The following OPCML variants were observed in gnomAD, a reference collection of about 807,000 sequenced individuals.
The protein encoded by OPCML is opioid-binding protein/cell adhesion molecule.
OPCML carries 13 observed loss-of-function variants against 37.8 expected under a neutral mutation model. The observed-to-expected ratio is 0.34, with a 90% confidence interval of 0.22 to 0.55. The LOEUF (loss-of-function observed/expected upper bound fraction) is 0.55, where lower values mean the gene tolerates loss of function less well. Ranked by LOEUF, OPCML falls within the 20% of genes least tolerant of loss-of-function variation. OPCML has a pLI of 0.91. For missense variants in OPCML, 341 were observed against 435.6 expected, an observed-to-expected ratio of 0.78 and a Z score of 1.93; for synonymous variants, 176 against 168.8, an observed-to-expected ratio of 1.04 and a Z score of -0.33.
At chr11:132,644,275 A>G (rs546598143) in intron 3 of OPCML, among the ~76,000 whole-genome samples, 2 of 152,246 alleles carry the variant, frequency 1.3e-5, no homozygotes, top group East Asian at 1.9e-4. Context: ...GTGACATTCT[A>G]GGAGCAGTAT....
At chr11:132,739,038 C>T (rs571771508) in intron 2 of OPCML, among the ~76,000 whole-genome samples, 4 of 152,318 alleles carry the variant, frequency 2.6e-5, no homozygotes, top group Admixed American at 2.6e-4. Context: ...GGCTTAGACC[C>T]TTAATAACCC....
chr11:133,284,658 A>G (rs1942250255), intron 1 of OPCML, among the ~76,000 whole-genome samples: 1 of 152,136 alleles, frequency 6.6e-6, no homozygotes, highest in Admixed American at 6.5e-5. Context: ...GGCACAGAAA[A>G]TAGAAGTGTG....
At chr11:133,026,041 T>A in intron 1 of OPCML, 1 of 985,082 alleles carries the variant, frequency 1.0e-6, no homozygotes, top group Non-Finnish European at 1.2e-6. Flanking sequence ...AGCCTAAATT[T>A]GATTTTTACT....
At chr11:132,960,043 G>A (rs1258081478) in intron 1 of OPCML, among the ~76,000 whole-genome samples, 1 of 152,134 alleles carries the variant, frequency 6.6e-6, no homozygotes, top group African/African-American at 2.4e-5. Context: ...TCTTGACCTT[G>A]ACCACAAAGA....
intron 2 of OPCML, among the ~76,000 whole-genome samples, chr11:132,720,906 T>C (rs978332415): frequency 4.4e-5 from 6 of 136,200 alleles, no homozygotes; most frequent in Admixed American, 7.1e-5. Flanking sequence ...TTACATAGAG[T>C]TTTTTTTAAC....
intron 1 of OPCML, among the ~76,000 whole-genome samples, chr11:133,378,368 T>C (rs551684421): frequency 1.8e-4 from 28 of 152,298 alleles, no homozygotes; most frequent in Admixed American, 9.1e-4. Context: ...AATTTGATCA[T>C]TTGACTTTGT....
At chr11:133,262,361 C>A (rs1178929364) in intron 1 of OPCML, among the ~76,000 whole-genome samples, 1 of 152,112 alleles carries the variant, frequency 6.6e-6, no homozygotes, top group Non-Finnish European at 1.5e-5. Context: ...TATTAGCTGT[C>A]ATTATCATGT....
At chr11:132,760,054 T>G (rs1307765855) in intron 2 of OPCML, among the ~76,000 whole-genome samples, 1 of 152,240 alleles carries the variant, frequency 6.6e-6, no homozygotes, top group African/African-American at 2.4e-5. Flanking sequence ...TTTTTTTATC[T>G]ACCCAGTAGT....
chr11:133,161,908 G>A (rs187376624), intron 1 of OPCML, among the ~76,000 whole-genome samples: 8 of 149,604 alleles, frequency 5.3e-5, no homozygotes, highest in African/African-American at 1.7e-4. Context: ...CCTGCCTCCC[G>A]GTACCCTCCA....
At chr11:133,219,090 T>C (rs1177925650) in intron 1 of OPCML, among the ~76,000 whole-genome samples, 2 of 152,202 alleles carry the variant, frequency 1.3e-5, no homozygotes, top group Non-Finnish European at 2.9e-5. Context: ...TTGACCATTA[T>C]CATGGATGGG....
intron 1 of OPCML, among the ~76,000 whole-genome samples, chr11:133,414,572 G>C (rs896352584): frequency 6.6e-6 from 1 of 152,044 alleles, no homozygotes; most frequent in Non-Finnish European, 1.5e-5. Context: ...AGCAAAGTTT[G>C]CTTTACACAC....
chr11:132,415,219 G>A lies in OPCML; in HGVS notation c.*4974C>T, dbSNP rs562076312. 176 of 152,668 alleles carry A rather than the reference G, an allele frequency of 1.2e-3. No individual in the cohort carries two copies. The highest frequency in any genetic ancestry group is 1.8e-3 in the Non-Finnish European group (124 of 68,026). The allele number at this position is 152,668 out of a possible 1,614,324, so 9.5% of individuals were successfully genotyped here. A position where few individuals can be genotyped will look rare whatever the true frequency, so the allele number is the denominator to read the frequency against. Reference sequence around the variant, plus strand: ...GCTGACAAAGTCATACTCTTGTATCGTGTGATAAATTTTTAAAGCATTTGA... The same window carrying A: ...GCTGACAAAGTCATACTCTTGTATCATGTGATAAATTTTTAAAGCATTTGA... On this transcript the variant is annotated 3_prime_UTR_variant, in exon 8 of 8. Transcript: ENST00000524381.
chr11:133,194,502 G>A (rs775156353), intron 1 of OPCML, among the ~76,000 whole-genome samples: 6 of 152,008 alleles, frequency 3.9e-5, no homozygotes, highest in Non-Finnish European at 8.8e-5. Context: ...GAGCCACTGC[G>A]CCCGGCTGCT....
At chr11:132,961,882 A>G (rs1455509842) in intron 1 of OPCML, among the ~76,000 whole-genome samples, 3 of 152,160 alleles carry the variant, frequency 2.0e-5, no homozygotes, top group Non-Finnish European at 4.4e-5. Flanking sequence ...TCTTGCCTCT[A>G]AGGTCAGGCT....
intron 4 of OPCML, among the ~76,000 whole-genome samples, chr11:132,511,170 C>T (rs2096268021): frequency 6.6e-6 from 1 of 152,008 alleles, no homozygotes; most frequent in Non-Finnish European, 1.5e-5. Flanking sequence ...TGTGTATTTT[C>T]AATGAACAAT....
At chr11:133,432,354 A>AT (rs1239096785) in intron 1 of OPCML, among the ~76,000 whole-genome samples, 6 of 151,832 alleles carry the variant, frequency 4.0e-5, no homozygotes, top group African/African-American at 7.3e-5. Flanking sequence ...TACTGTATCT[A>AT]TTTTTTTAAA....
intron 1 of OPCML, among the ~76,000 whole-genome samples, chr11:133,304,591 CA>C (rs1203274090): frequency 6.6e-6 from 1 of 152,158 alleles, no homozygotes; most frequent in Non-Finnish European, 1.5e-5. Context: ...GCTAAGGTTA[CA>C]GACACGAGCC....
chr11:133,068,880 G>C (rs1180280924), intron 1 of OPCML, among the ~76,000 whole-genome samples: 1 of 152,196 alleles, frequency 6.6e-6, no homozygotes, highest in Admixed American at 6.5e-5. Flanking sequence ...ACATACCAAA[G>C]AGGTAGGTGG....
At chr11:132,993,074 G>C (rs987529700) in intron 1 of OPCML, among the ~76,000 whole-genome samples, 8 of 152,146 alleles carry the variant, frequency 5.3e-5, no homozygotes, top group Non-Finnish European at 1.2e-4. Flanking sequence ...ACCCTCCCCA[G>C]CTCCTGCTTC....
Sources: gnomAD v4.1 joint callset for allele counts (sites outside exome capture counted in the v4.1 genomes callset) on GRCh38, gnomAD v4.1.1 for gene constraint, MANE v1.5 for transcripts, NCBI Gene and HGNC (gene_info 2026-07-23, HGNC 2026-07-21) for gene names.